GLIS3: variants seen among roughly 807,000 people sequenced by gnomAD.
GLIS3 encodes GLIS family zinc finger 3.
In GLIS3, 53 loss-of-function variants were observed where a neutral mutation model predicts 78.6. The observed-to-expected ratio is 0.67, with a 90% CI of 0.54 to 0.85. The LOEUF is 0.85. Ranked by LOEUF, GLIS3 falls within the 40% of genes least tolerant of loss-of-function variation. The probability of loss-of-function intolerance (pLI) is 0.00; values close to 1 mark genes in which losing one functional copy is unlikely to be tolerated. For synonymous variants in GLIS3, 684 were observed against 509.9 expected (o/e 1.34, Z -4.60); for missense variants, 1,703 against 1,231.1 (o/e 1.38, Z -5.74).
chr9:4,102,651 G>C (rs878901823), intron 4 of GLIS3, among the ~76,000 whole-genome samples: 1 of 152,084 alleles, frequency 6.6e-6, no homozygotes. Flanking sequence ...ATAGTGCTGA[G>C]CTTAAAAAGC....
chr9:3,857,043 ATTG>A (rs375358320), intron 8 of GLIS3, among the ~76,000 whole-genome samples: 3 of 152,242 alleles, frequency 2.0e-5, no homozygotes, highest in African/African-American at 7.2e-5. Context: ...GCAAGATGTA[ATTG>A]TTAGAACAAT....
At chr9:4,144,856 A>T (rs1834087912) in intron 2 of GLIS3, 1 of 152,216 alleles carries the variant, frequency 6.6e-6, no homozygotes, top group Non-Finnish European at 1.5e-5. Context: ...ATATTTCTTT[A>T]GAACTGTTCT....
the GLIS3 span, among the ~76,000 whole-genome samples, chr9:4,376,286 T>C: frequency 6.6e-6 from 1 of 152,154 alleles, no homozygotes; most frequent in Non-Finnish European, 1.5e-5. Flanking sequence ...CTAATTCATC[T>C]TTTCAGGTGT....
rs565297843 is a variant in GLIS3, at chr9:4,265,029, G to A, written c.388+21009C>T. 8.6e-5 allele frequency among the ~76,000 whole-genome samples: 13 copies of A among 150,354 alleles called. No homozygotes were observed. In the East Asian group the frequency reaches 1.7e-3, roughly 20 times the overall value. ...AAAATACAAAAAAAAAAAATTAGCC[G>A]GGTGTGGTGGCGGGCGCCTGTATTC... is the stretch of plus-strand genomic sequence containing the variant. On this transcript the variant is annotated intron_variant, in intron 2 of 10. Transcript: ENST00000381971.
At chr9:4,131,784 G>T (rs1586760134) in intron 2 of GLIS3, among the ~76,000 whole-genome samples, 1 of 152,200 alleles carries the variant, frequency 6.6e-6, no homozygotes, top group East Asian at 1.9e-4. Context: ...TCATAAGGTT[G>T]TTGTGCATCT....
chr9:4,110,684 G>A (rs184137715), intron 4 of GLIS3, among the ~76,000 whole-genome samples: 35 of 152,150 alleles, frequency 2.3e-4, no homozygotes, highest in African/African-American at 8.2e-4. Context: ...CCCTACTCAG[G>A]CTCTGGGCTA....
intron 4 of GLIS3, among the ~76,000 whole-genome samples, chr9:3,957,669 A>C (rs1448354597): frequency 2.6e-5 from 4 of 152,246 alleles, no homozygotes; most frequent in African/African-American, 9.6e-5. Flanking sequence ...TGACTCTGGA[A>C]AACAGACAAA....
At chr9:3,831,648 C>G (rs939836151) in intron 9 of GLIS3, among the ~76,000 whole-genome samples, 5 of 152,122 alleles carry the variant, frequency 3.3e-5, no homozygotes, top group African/African-American at 1.2e-4. Context: ...TTCTGAAGAA[C>G]ATTAAGAAAT....
chr9:4,453,053 GA>G, the GLIS3 span, among the ~76,000 whole-genome samples: 1 of 152,214 alleles, frequency 6.6e-6, no homozygotes. Context: ...ACAAAAACAA[GA>G]AATAGGAAAA....
intron 2 of GLIS3, among the ~76,000 whole-genome samples, chr9:4,221,995 A>C (rs150875265): frequency 1.7e-3 from 255 of 152,334 alleles, no homozygotes; most frequent in African/African-American, 5.9e-3. Flanking sequence ...TGTGCACAGA[A>C]CCAGAAAGGG....
chr9:3,923,317 A>G (rs1017197297), intron 6 of GLIS3, among the ~76,000 whole-genome samples: 1 of 152,130 alleles, frequency 6.6e-6, no homozygotes, highest in Non-Finnish European at 1.5e-5. Context: ...TTTTACCTCA[A>G]TGCCTATCTC....
chr9:4,345,180 G>T (rs1250434141), intron 2 of GLIS3, among the ~76,000 whole-genome samples: 1 of 152,054 alleles, frequency 6.6e-6, no homozygotes, highest in Non-Finnish European at 1.5e-5. Flanking sequence ...CTGCCACTGG[G>T]CCCCTGCGTT....
chr9:3,825,007 C>G lies in GLIS3; in HGVS notation c.*3265G>C, dbSNP rs1242250213. Reference sequence around the variant, plus strand: ...AAATGCTTCCATAAAATGACATGGCCAAGACAGTCAAATAAAATACCAAAT... The same window carrying G: ...AAATGCTTCCATAAAATGACATGGCGAAGACAGTCAAATAAAATACCAAAT... On this transcript the variant is annotated 3_prime_UTR_variant, in exon 11 of 11. Transcript: ENST00000381971. 1 of 151,080 alleles carries G rather than the reference C, an allele frequency of 6.6e-6. No individual in the cohort carries two copies. The highest frequency in any genetic ancestry group is 2.4e-5 in the African/African-American group (1 of 41,036). The allele number at this position is 151,080 out of a possible 1,614,324, so 9.4% of individuals were successfully genotyped here.
chr9:4,371,328 T>C, the GLIS3 span, among the ~76,000 whole-genome samples: 14 of 152,294 alleles, frequency 9.2e-5, no homozygotes, highest in African/African-American at 3.1e-4. Flanking sequence ...GTCCCTCTTA[T>C]GGGCTGTCCC....
chr9:4,211,638 T>A (rs1353153757), intron 2 of GLIS3, among the ~76,000 whole-genome samples: 1 of 152,190 alleles, frequency 6.6e-6, no homozygotes, highest in African/African-American at 2.4e-5. Flanking sequence ...AACGTTAAAT[T>A]TAAATTTACC....
At chr9:4,091,275 G>A (rs966404246) in intron 4 of GLIS3, among the ~76,000 whole-genome samples, 41 of 152,190 alleles carry the variant, frequency 2.7e-4, no homozygotes, top group Admixed American at 2.0e-3. Flanking sequence ...TCTGAGGTGG[G>A]AGGATCTCTT....
chr9:4,057,654 TAAA>T lies in GLIS3; in HGVS notation c.1710+60111_1710+60113del, dbSNP rs149720588. ...AAATGAAAAAAAATTGAAGAAGAAA[TAAA>T]AAAGAAAGAAAGGTCAGATCGACTT... On this transcript the variant is annotated intron_variant, in intron 4 of 10. Transcript: ENST00000381971. 7.9e-3 allele frequency among the ~76,000 whole-genome samples: 1,174 copies of T among 148,480 alleles called. 17 individuals are homozygous for T. Among genetic ancestry groups the T allele is most frequent in the African/African-American group, 0.028 (1,131 of 40,342 alleles).
At chr9:3,871,862 C>T (rs1415108367) in intron 8 of GLIS3, among the ~76,000 whole-genome samples, 1 of 152,228 alleles carries the variant, frequency 6.6e-6, no homozygotes, top group East Asian at 1.9e-4. Flanking sequence ...ATGCAGCCAG[C>T]TTGAATTTCT....
chr9:4,314,289 G>A (rs1004004741), intron 2 of GLIS3, among the ~76,000 whole-genome samples: 5 of 152,158 alleles, frequency 3.3e-5, no homozygotes, highest in African/African-American at 1.2e-4. Context: ...AAGAACCCTT[G>A]ACTTCCAGTC....
Sources: allele counts gnomAD v4.1 joint callset (sites outside exome capture counted in the v4.1 genomes callset), GRCh38; gene constraint gnomAD v4.1.1; transcripts MANE v1.5; gene names NCBI Gene and HGNC (gene_info 2026-07-23, HGNC 2026-07-21).